NVL: variants seen among roughly 807,000 people sequenced by gnomAD.
NVL encodes nuclear VCP like.
Under a neutral mutation model 110.2 loss-of-function variants are expected in NVL, and 84 were observed. That is an observed-to-expected ratio of 0.76 (90% confidence interval 0.64 to 0.91). The LOEUF (loss-of-function observed/expected upper bound fraction) is 0.91. Among genes scored for constraint, NVL ranks in the 40% least tolerant of loss-of-function variants. The probability of loss-of-function intolerance (pLI) is 0.00; values close to 1 mark genes in which losing one functional copy is unlikely to be tolerated. For synonymous variants in NVL, 354 were observed against 361.1 expected (o/e 0.98, Z 0.22); for missense variants, 882 against 1,035.9 (o/e 0.85, Z 2.04).
chr1:224,292,180 G>A (rs1004985589), intron 12 of NVL, among the ~76,000 whole-genome samples: 29 of 152,124 alleles, frequency 1.9e-4, no homozygotes, highest in Non-Finnish European at 3.2e-4. Flanking sequence ...ATATCCGGAG[G>A]ATCACTTGAG....
chr1:224,304,495 C>T (rs948566783), intron 8 of NVL, among the ~76,000 whole-genome samples: 8 of 151,578 alleles, frequency 5.3e-5, no homozygotes, highest in Non-Finnish European at 1.2e-4. Flanking sequence ...ATTGCTAAGA[C>T]AATATTACTT....
At chr1:224,303,435 C>CA (rs397967411) in intron 9 of NVL, among the ~76,000 whole-genome samples, 3,040 of 104,560 alleles carry the variant, frequency 0.029, 69 homozygotes, top group African/African-American at 0.08. Flanking sequence ...ACTCTGTCTC[C>CA]AAAAAAAAAA....
intron 12 of NVL, among the ~76,000 whole-genome samples, chr1:224,293,315 C>T (rs556818259): frequency 2.0e-4 from 30 of 152,120 alleles, no homozygotes; most frequent in African/African-American, 6.5e-4. Context: ...GTGATCCGCC[C>T]GCCTCGGCCT....
Position 224,227,609 on chromosome 1 carries a change from G to A in NVL, c.*17C>T. 6.2e-7 allele frequency: 1 copy of A among 1,606,634 alleles called. No homozygotes were observed. The highest frequency in any genetic ancestry group is 8.5e-7 in the Non-Finnish European group (1 of 1,175,208). The stretch of plus-strand genomic sequence containing the variant: ...CGGCTTGATGGGCTAGCTCCTCTAA[G>A]CCGGCTGCTGGAGACATCACCGGCT... On this transcript the variant is annotated 3_prime_UTR_variant, in exon 23 of 23. Coordinates refer to ENST00000281701, the MANE Select transcript of NVL (RefSeq NM_002533.4).
At chr1:224,281,643 G>A (rs1160609281) in intron 15 of NVL, among the ~76,000 whole-genome samples, 1 of 150,704 alleles carries the variant, frequency 6.6e-6, no homozygotes, top group African/African-American at 2.4e-5. Context: ...TATATTAATA[G>A]TTACCTCTTT....
chr1:224,303,400 A>G (rs887033640), intron 9 of NVL, among the ~76,000 whole-genome samples: 3 of 151,768 alleles, frequency 2.0e-5, no homozygotes, highest in Non-Finnish European at 2.9e-5. Context: ...ACGACACTGC[A>G]TTCCAGCCTG....
chr1:224,304,411 T>C (rs1023110933), intron 8 of NVL, among the ~76,000 whole-genome samples: 2 of 151,960 alleles, frequency 1.3e-5, no homozygotes, highest in Admixed American at 6.6e-5. Context: ...GTGACAGAGC[T>C]ACACTCCTTC....
At chr1:224,238,810 T>C (rs1205371979) in intron 19 of NVL, among the ~76,000 whole-genome samples, 1 of 152,184 alleles carries the variant, frequency 6.6e-6, no homozygotes, top group Non-Finnish European at 1.5e-5. Context: ...GGTGTGGGAA[T>C]GTTCTATTTT....
At chr1:224,299,529 T>C (rs1668193726) in intron 10 of NVL, among the ~76,000 whole-genome samples, 1 of 152,322 alleles carries the variant, frequency 6.6e-6, no homozygotes, top group African/African-American at 2.4e-5. Flanking sequence ...GGCTCAGTAC[T>C]GGTTTAGTGA....
chr1:224,259,093 A>AT lies in NVL; in HGVS notation c.2183-8776dup, dbSNP rs924104794. On this transcript the variant is annotated intron_variant, in intron 18 of 22. Transcript: ENST00000281701. ...ATGAGATTTTTTAAGGGTGATGAACATTTTTTTTTTTTTGAGATAGGGTCT... is the reference window on the plus strand; with the variant it reads ...ATGAGATTTTTTAAGGGTGATGAACATTTTTTTTTTTTTTGAGATAGGGTCT... 4.3e-3 allele frequency among the ~76,000 whole-genome samples: 613 copies of AT among 144,036 alleles called. 5 individuals are homozygous for AT. The highest frequency in any genetic ancestry group is 0.013 in the African/African-American group (510 of 39,502). 94.5% of individuals were successfully genotyped at this position (144,036 alleles called of 152,430 possible).
chr1:224,242,232 G>A (rs1006331765), intron 19 of NVL, among the ~76,000 whole-genome samples: 1 of 151,994 alleles, frequency 6.6e-6, no homozygotes, highest in Admixed American at 6.6e-5. Flanking sequence ...AGTGGTGATG[G>A]TTGCACAACA....
intron 15 of NVL, among the ~76,000 whole-genome samples, chr1:224,284,452 T>C (rs902303870): frequency 2.6e-5 from 4 of 152,152 alleles, no homozygotes; most frequent in South Asian, 2.1e-4. Context: ...CTTGGCTTAC[T>C]GCAGCCTCTG....
intron 14 of NVL, among the ~76,000 whole-genome samples, chr1:224,286,946 A>G (rs555920946): frequency 7.9e-5 from 12 of 152,362 alleles, no homozygotes; most frequent in Admixed American, 7.8e-4. Context: ...GATCCATAAG[A>G]TCAAGTTCAG....
At chr1:224,268,950 C>A (rs751111592) in intron 17 of NVL, among the ~76,000 whole-genome samples, 1 of 152,062 alleles carries the variant, frequency 6.6e-6, no homozygotes, top group African/African-American at 2.4e-5. Flanking sequence ...TGAGCCACTG[C>A]GCCCGGCCCT....
intron 14 of NVL, among the ~76,000 whole-genome samples, chr1:224,287,171 A>G (rs1200917954): frequency 6.6e-6 from 1 of 152,226 alleles, no homozygotes; most frequent in Non-Finnish European, 1.5e-5. Context: ...CTAGGCACAG[A>G]AAGGCAAATA....
At chr1:224,233,614 C>T (rs185247302) in intron 20 of NVL, among the ~76,000 whole-genome samples, 2 of 152,196 alleles carry the variant, frequency 1.3e-5, no homozygotes, top group East Asian at 3.9e-4. Flanking sequence ...AAAAAATTAG[C>T]TGGGCATGGT....
At chr1:224,286,158 C>T (rs1308458822) in intron 14 of NVL, 28 bp from the exon 15 acceptor site, 2 of 1,498,036 alleles carry the variant, frequency 1.3e-6, no homozygotes, top group African/African-American at 1.4e-5. Context: ...AACGGCGATC[C>T]ATTACATGTC....
chr1:224,326,561 G>T, intron 1 of NVL, 97 bp from the exon 2 acceptor site: 2 of 713,400 alleles, frequency 2.8e-6, no homozygotes, highest in Non-Finnish European at 4.7e-6. Context: ...TATACTTTAA[G>T]ATAAACTCTT....
chr1:224,268,317 A>T (rs1330874722), intron 17 of NVL, among the ~76,000 whole-genome samples, 184 bp from the exon 18 acceptor site: 1 of 145,128 alleles, frequency 6.9e-6, no homozygotes, highest in African/African-American at 2.9e-5. Context: ...CAGCAATCCT[A>T]TTATTATCCA....
Sources: allele counts gnomAD v4.1 joint callset (sites outside exome capture counted in the v4.1 genomes callset), GRCh38; gene constraint gnomAD v4.1.1; transcripts MANE v1.5; gene names NCBI Gene and HGNC (gene_info 2026-07-23, HGNC 2026-07-21).